Variants in EBF1 observed in about 807,000 individuals in gnomAD.
The protein encoded by EBF1 is transcription factor COE1.
In EBF1, 10 loss-of-function variants were observed where a neutral mutation model predicts 68.4. That is an observed-to-expected ratio of 0.15 (90% CI 0.09 to 0.25). The LOEUF (loss-of-function observed/expected upper bound fraction) is 0.25. EBF1 is among the 10% of genes least tolerant of loss of function. The pLI is 1.00. For synonymous variants in EBF1, 298 were observed against 299.8 expected (o/e 0.99, Z 0.06); for missense variants, 509 against 794.4 (o/e 0.64, Z 4.32).
intron 6 of EBF1, among the ~76,000 whole-genome samples, chr5:158,934,205 A>G (rs1401590338): frequency 1.3e-5 from 2 of 152,332 alleles, no homozygotes; most frequent in African/African-American, 2.4e-5. Flanking sequence ...TGGGAGCCGA[A>G]TCTCACTTTA....
intron 10 of EBF1, among the ~76,000 whole-genome samples, chr5:158,771,851 G>A (rs528400214): frequency 6.6e-6 from 1 of 152,120 alleles, no homozygotes; most frequent in African/African-American, 2.4e-5. Flanking sequence ...CACAGCTAGC[G>A]AGTAGCAAGG....
chr5:158,947,781 A>G (rs868100298), intron 6 of EBF1, among the ~76,000 whole-genome samples: 3 of 152,340 alleles, frequency 2.0e-5, no homozygotes, highest in South Asian at 2.1e-4. Context: ...AAAGCTAAAT[A>G]CGAAAGTAAA....
intron 9 of EBF1, among the ~76,000 whole-genome samples, chr5:158,779,390 G>A (rs1775952049): frequency 6.6e-6 from 1 of 152,072 alleles, no homozygotes; most frequent in South Asian, 2.1e-4. Flanking sequence ...GAAAAAAATT[G>A]TTCATATAGA....
At chr5:158,787,048 T>C (rs912605615) in intron 9 of EBF1, among the ~76,000 whole-genome samples, 1 of 152,168 alleles carries the variant, frequency 6.6e-6, no homozygotes, top group Non-Finnish European at 1.5e-5. Context: ...ATTCCTCACT[T>C]AACGTGTTCA....
At chr5:158,743,643 T>C (rs910959439) in intron 10 of EBF1, among the ~76,000 whole-genome samples, 8 of 152,204 alleles carry the variant, frequency 5.3e-5, no homozygotes, top group African/African-American at 1.9e-4. Flanking sequence ...TTCAGAGAGA[T>C]ATTTTAGAAT....
intron 6 of EBF1, among the ~76,000 whole-genome samples, chr5:159,072,909 A>G (rs1430810548): frequency 2.6e-5 from 4 of 152,222 alleles, no homozygotes; most frequent in African/African-American, 9.6e-5. Flanking sequence ...AAATAACAGT[A>G]GAAAATCTTG....
chr5:158,958,789 T>C (rs1274258554), intron 6 of EBF1, among the ~76,000 whole-genome samples: 1 of 152,154 alleles, frequency 6.6e-6, no homozygotes, highest in African/African-American at 2.4e-5. Flanking sequence ...AAACGCCGTT[T>C]TCTAACCATC....
rs116210696 is a variant in EBF1 at position 158,990,578 on chromosome 5, T to C, written c.554+82818A>G. 6.0e-3 allele frequency among the ~76,000 whole-genome samples: 917 copies of C among 152,300 alleles called. 17 individuals carry two copies. The highest frequency in any genetic ancestry group is 0.021 in the African/African-American group (854 of 41,552). ...CACCAGGCTTGGCTTTGAAAACTAA[T>C]GTGATTCCATACAGAACTGGGCTCC... On this transcript the variant is annotated intron_variant, in intron 6 of 15. Transcript: ENST00000313708.
At chr5:158,926,448 G>A (rs148120610) in intron 6 of EBF1, among the ~76,000 whole-genome samples, 7 of 152,038 alleles carry the variant, frequency 4.6e-5, no homozygotes, top group African/African-American at 1.4e-4. Context: ...CTTATTGGCC[G>A]GGCGCAGTGG....
chr5:158,990,367 C>T (rs1760070103), intron 6 of EBF1, among the ~76,000 whole-genome samples: 1 of 152,200 alleles, frequency 6.6e-6, no homozygotes, highest in Non-Finnish European at 1.5e-5. Context: ...AGAAGAGGCA[C>T]TTTAAAGATC....
Position 159,099,626 on chromosome 5 carries a change from G to T in EBF1, c.-148C>A. 2 of 1,126,146 alleles carry T rather than the reference G, an allele frequency of 1.8e-6. No homozygotes were observed. 69.8% of individuals were successfully genotyped at this position (1,126,146 alleles called of 1,614,324 possible). A position where few individuals can be genotyped will look rare whatever the true frequency, so the allele number is the denominator to read the frequency against. On this transcript the variant is annotated 5_prime_UTR_variant, in exon 1 of 16. Transcript: ENST00000313708. ...TCAGACGATGAACTCGCACTTAGAA[G>T]ATCAAGGCGGGCTGGAAAGCAAATT...
intron 10 of EBF1, among the ~76,000 whole-genome samples, chr5:158,759,108 C>G (rs1770813378): frequency 6.6e-6 from 1 of 152,216 alleles, no homozygotes; most frequent in South Asian, 2.1e-4. Flanking sequence ...TTAAATGTAC[C>G]ATACATCTCA....
chr5:158,741,297 G>A (rs969075348), intron 10 of EBF1, among the ~76,000 whole-genome samples: 2 of 152,100 alleles, frequency 1.3e-5, no homozygotes, highest in African/African-American at 4.8e-5. Flanking sequence ...CTGTAAGGCT[G>A]GGCACAGTGG....
intron 6 of EBF1, among the ~76,000 whole-genome samples, chr5:158,868,815 GGGT>G (rs1796370570): frequency 6.6e-6 from 1 of 152,128 alleles, no homozygotes; most frequent in Non-Finnish European, 1.5e-5. Flanking sequence ...GGGGACAAAA[GGGT>G]GGGAATGTCA....
At chr5:158,815,273 T>A in intron 8 of EBF1, among the ~76,000 whole-genome samples, 1 of 152,200 alleles carries the variant, frequency 6.6e-6, no homozygotes, top group Non-Finnish European at 1.5e-5. Context: ...AGGGAATGTT[T>A]ATTGTTATTA....
chr5:158,846,422 A>T (rs1791536742), intron 6 of EBF1, among the ~76,000 whole-genome samples: 1 of 152,168 alleles, frequency 6.6e-6, no homozygotes, highest in South Asian at 2.1e-4. Context: ...GAGTCTAAGG[A>T]TTATCTCCCA....
At chr5:158,858,164 T>A (rs531021998) in intron 6 of EBF1, among the ~76,000 whole-genome samples, 66 of 152,332 alleles carry the variant, frequency 4.3e-4, no homozygotes, top group African/African-American at 1.3e-3. Context: ...TCGGAGTAAG[T>A]GATGACAGCC....
At chr5:158,782,685 T>TA (rs1472909136) in intron 9 of EBF1, among the ~76,000 whole-genome samples, 1 of 151,842 alleles carries the variant, frequency 6.6e-6, no homozygotes, top group Non-Finnish European at 1.5e-5. Context: ...TAAAATAAAA[T>TA]AAAAAACAAA....
At chr5:158,803,801 T>A (rs1278405655) in intron 8 of EBF1, among the ~76,000 whole-genome samples, 1 of 151,906 alleles carries the variant, frequency 6.6e-6, no homozygotes, top group Non-Finnish European at 1.5e-5. Context: ...CTTCAGTAAT[T>A]GCATTATGCA....
Sources: gnomAD v4.1 joint callset for allele counts (sites outside exome capture counted in the v4.1 genomes callset) on GRCh38, gnomAD v4.1.1 for gene constraint, MANE v1.5 for transcripts, NCBI Gene and HGNC (gene_info 2026-07-23, HGNC 2026-07-21) for gene names.